Variants in ATP2B2 observed in about 807,000 individuals in gnomAD.
ATP2B2 encodes plasma membrane calcium-transporting ATPase 2.
A neutral mutation model predicts 120.0 loss-of-function variants in ATP2B2; 15 were observed. The observed-to-expected ratio is 0.12, with a 90% CI of 0.08 to 0.19. ATP2B2 has a LOEUF of 0.19. ATP2B2 is among the 10% of genes least tolerant of loss of function. ATP2B2 has a pLI of 1.00. For missense variants in ATP2B2, 1,045 were observed against 1,719.8 expected (o/e 0.61, Z 6.94); for synonymous variants, 694 against 700.3 (o/e 0.99, Z 0.14).
At chr3:10,578,814 A>T (rs187937111) in intron 2 of ATP2B2, among the ~76,000 whole-genome samples, 4 of 152,308 alleles carry the variant, frequency 2.6e-5, no homozygotes, top group African/African-American at 9.6e-5. Flanking sequence ...GCAGGAAGAG[A>T]ACACACCATG....
chr3:10,380,254 C>CT (rs1277312294), intron 8 of ATP2B2, among the ~76,000 whole-genome samples: 4 of 152,258 alleles, frequency 2.6e-5, no homozygotes, highest in Non-Finnish European at 4.4e-5. Context: ...AGGCCTCTGT[C>CT]TCTTGCCTAG....
At chr3:10,393,135 A>T (rs2061911813) in intron 5 of ATP2B2, among the ~76,000 whole-genome samples, 3 of 152,040 alleles carry the variant, frequency 2.0e-5, no homozygotes, top group Admixed American at 2.0e-4. Flanking sequence ...GGTCAAGGAG[A>T]GCAGATAGGC....
chr3:10,598,735 C>T (rs2068830285), intron 2 of ATP2B2, among the ~76,000 whole-genome samples: 1 of 152,202 alleles, frequency 6.6e-6, no homozygotes, highest in Non-Finnish European at 1.5e-5. Flanking sequence ...CCTGAGTCTG[C>T]ACGGAATAAA....
chr3:10,630,090 A>G lies in ATP2B2; in HGVS notation c.-459-10129T>C, dbSNP rs76174749. Among the ~76,000 whole-genome samples the G allele has an allele frequency of 8.7e-4, 132 of 152,278 alleles. 2 individuals carry two copies. The East Asian group carries it at 0.021, about 24-fold the overall frequency. ...CTGCTGATTTGGCTGAGTCTCCCCAATCCTCACAGACAGCAGCAGGCAACA... is the reference window on the plus strand; with the variant it reads ...CTGCTGATTTGGCTGAGTCTCCCCAGTCCTCACAGACAGCAGCAGGCAACA... On this transcript the variant is annotated intron_variant, in intron 1 of 21. Transcript: ENST00000646379.
intron 1 of ATP2B2, among the ~76,000 whole-genome samples, chr3:10,503,068 G>A (rs548009419): frequency 4.6e-5 from 7 of 152,292 alleles, no homozygotes; most frequent in East Asian, 1.9e-4. Flanking sequence ...TATTTACTTG[G>A]GTCCCCTGAC....
At chr3:10,439,213 T>C (rs2063573926) in intron 2 of ATP2B2, among the ~76,000 whole-genome samples, 1 of 152,214 alleles carries the variant, frequency 6.6e-6, no homozygotes, top group South Asian at 2.1e-4. Context: ...AATGGGGGCA[T>C]CAAGGCAGAC....
At chr3:10,606,525 C>A (rs183371037) in intron 2 of ATP2B2, among the ~76,000 whole-genome samples, 1 of 152,252 alleles carries the variant, frequency 6.6e-6, no homozygotes, top group Non-Finnish European at 1.5e-5. Context: ...ACTTCCAATC[C>A]TCCTGGCTTG....
chr3:10,677,559 G>A (rs1309249598), intron 1 of ATP2B2, among the ~76,000 whole-genome samples: 2 of 152,190 alleles, frequency 1.3e-5, no homozygotes, highest in African/African-American at 4.8e-5. Flanking sequence ...GGCATGATGT[G>A]TCAATGTAGG....
rs73129278 is a variant in ATP2B2, at chr3:10,362,197, C to T, written c.1660-2074G>A. ...CCAGATGAACCTCTCACAAGGAGCCCTCTGCATCCTCGTCCTCAGTCTCCC... is the reference window on the plus strand; with the variant it reads ...CCAGATGAACCTCTCACAAGGAGCCTTCTGCATCCTCGTCCTCAGTCTCCC... On this transcript the variant is annotated intron_variant, in intron 12 of 22. Transcript: ENST00000360273. Among the ~76,000 whole-genome samples, 425 of 152,332 alleles carry T rather than the reference C, an allele frequency of 2.8e-3. 2 individuals carry two copies. Among genetic ancestry groups the T allele is most frequent in the African/African-American group, 9.7e-3 (404 of 41,564 alleles).
At chr3:10,633,576 G>A (rs1477320976) in intron 1 of ATP2B2, among the ~76,000 whole-genome samples, 1 of 152,310 alleles carries the variant, frequency 6.6e-6, no homozygotes, top group Non-Finnish European at 1.5e-5. Flanking sequence ...AATACATGGG[G>A]ATAGAAATTT....
chr3:10,548,200 T>A (rs1327108862), intron 2 of ATP2B2, among the ~76,000 whole-genome samples: 1 of 152,234 alleles, frequency 6.6e-6, no homozygotes, highest in Non-Finnish European at 1.5e-5. Flanking sequence ...CTGCCACTCA[T>A]AAGGGGCTTA....
chr3:10,416,340 C>T (rs916676939), intron 2 of ATP2B2, among the ~76,000 whole-genome samples: 2 of 152,222 alleles, frequency 1.3e-5, no homozygotes, highest in African/African-American at 4.8e-5. Context: ...CTCTAAACCT[C>T]TGCCCTGGCC....
chr3:10,542,962 T>G (rs74979996), intron 2 of ATP2B2, among the ~76,000 whole-genome samples: 2 of 152,300 alleles, frequency 1.3e-5, no homozygotes, highest in East Asian at 3.9e-4. Context: ...CTTCCAGTAG[T>G]CCAATGACAC....
intron 22 of ATP2B2, among the ~76,000 whole-genome samples, chr3:10,331,513 C>T (rs956060699): frequency 1.1e-4 from 17 of 152,140 alleles, no homozygotes; most frequent in Admixed American, 3.9e-4. Context: ...GAGGCCCCTC[C>T]GCCCTCCCCG....
rs1334731513 is a variant in ATP2B2, at chr3:10,350,131, G to C, written c.2385C>G (p.Asp795Glu). 2.5e-6 allele frequency: 4 copies of C among 1,613,826 alleles called. No individual in the cohort carries two copies. The highest frequency in any genetic ancestry group is 3.4e-6 in the Non-Finnish European group (4 of 1,179,996). Residue 795 changes from aspartate (D) to glutamate (E), a missense_variant, in exon 16 of 23, where the codon GAC becomes GAG. Physicochemically the swap from Asp to Glu is conservative, Grantham distance 45. Coordinates refer to ENST00000360273, the MANE Select transcript of ATP2B2 (RefSeq NM_001001331.4). Reference protein sequence around the residue: ...LRVLARSSPTDKHTLVKGIID... With the variant: ...LRVLARSSPTEKHTLVKGIID... ...TCTTACCTTTAACCAGGGTATGCTTGTCCGTTGGGGAGGAGCGAGCCAGCA... is the reference window on the plus strand; with the variant it reads ...TCTTACCTTTAACCAGGGTATGCTTCTCCGTTGGGGAGGAGCGAGCCAGCA...
intron 1 of ATP2B2, among the ~76,000 whole-genome samples, chr3:10,671,757 G>A (rs909325121): frequency 2.0e-5 from 3 of 152,144 alleles, no homozygotes; most frequent in African/African-American, 7.2e-5. Context: ...TAGGAAACTG[G>A]TGGTGAAGCT....
intron 2 of ATP2B2, among the ~76,000 whole-genome samples, chr3:10,536,449 T>C (rs2067319615): frequency 6.6e-6 from 1 of 151,532 alleles, no homozygotes; most frequent in Non-Finnish European, 1.5e-5. Context: ...CTTCCTGTCT[T>C]TCTTCCTCTC....
chr3:10,573,612 T>C (rs1575511672), intron 2 of ATP2B2, among the ~76,000 whole-genome samples: 1 of 152,202 alleles, frequency 6.6e-6, no homozygotes, highest in Admixed American at 6.5e-5. Context: ...CTCTGTATTG[T>C]TAACAAGTGT....
intron 1 of ATP2B2, among the ~76,000 whole-genome samples, chr3:10,633,249 A>G (rs1174341737): frequency 4.6e-5 from 7 of 152,156 alleles, no homozygotes; most frequent in African/African-American, 1.7e-4. Flanking sequence ...AAATGAGTTA[A>G]CACATATGAG....
Sources: gnomAD v4.1 joint callset for allele counts (sites outside exome capture counted in the v4.1 genomes callset) on GRCh38, gnomAD v4.1.1 for gene constraint, MANE v1.5 for transcripts, NCBI Gene and HGNC (gene_info 2026-07-23, HGNC 2026-07-21) for gene names.